LNPEP: variants seen among roughly 807,000 people sequenced by gnomAD.
LNPEP encodes leucyl-cystinyl aminopeptidase.
LNPEP carries 64 observed loss-of-function variants against 120.6 expected under a neutral mutation model. The observed-to-expected ratio is 0.53, with a 90% CI of 0.43 to 0.65. LNPEP has a LOEUF of 0.65. Among genes scored for constraint, LNPEP ranks in the 30% least tolerant of loss-of-function variants. The pLI, the probability that LNPEP is intolerant of heterozygous loss-of-function variation, is 0.00. For missense variants in LNPEP, 1,057 were observed against 1,200.0 expected (o/e 0.88, Z 1.76); for synonymous variants, 435 against 425.4 (o/e 1.02, Z -0.28).
intron 1 of LNPEP, chr5:96,962,639 A>C (rs1789630965): frequency 7.4e-6 from 1 of 135,412 alleles, no homozygotes; most frequent in Non-Finnish European, 1.6e-5. Context: ...TCTTTTCTTT[A>C]TTCTTTTTTT....
At chr5:97,020,794 T>G (rs773499477) in intron 13 of LNPEP, among the ~76,000 whole-genome samples, 4 of 152,088 alleles carry the variant, frequency 2.6e-5, no homozygotes, top group Non-Finnish European at 5.9e-5. Context: ...TGAGCAAGAC[T>G]CCATCTCAAA....
chr5:96,956,234 T>C (rs1251534444), intron 1 of LNPEP, among the ~76,000 whole-genome samples: 2 of 152,264 alleles, frequency 1.3e-5, no homozygotes. Context: ...ATGTATCTAA[T>C]AGTTCTCTCT....
At chr5:96,939,237 A>G (rs1399187263) in intron 1 of LNPEP, among the ~76,000 whole-genome samples, 1 of 146,696 alleles carries the variant, frequency 6.8e-6, no homozygotes, top group East Asian at 2.0e-4. Context: ...TTTTTGAGAC[A>G]CAGTCTCACT....
At position 97,006,142 on chromosome 5, in the gene LNPEP, G is replaced by GAAAGGAAT; in HGVS notation, c.1855_1856insAAAGGAAT (p.Val619GlufsTer4). 1 of 1,597,530 alleles carries GAAAGGAAT rather than the reference G, an allele frequency of 6.3e-7. No individual in the cohort carries two copies. Among genetic ancestry groups the GAAAGGAAT allele is most frequent in the Non-Finnish European group, 8.5e-7 (1 of 1,169,898 alleles). On this transcript the variant is annotated frameshift_variant, in exon 10 of 18. Transcript: ENST00000231368. LOFTEE classifies it high-confidence loss of function. ...GACCCTGCAGAAAGGATTTCCTTTA[G>GAAAGGAAT]TGACTGTTCAAAAGAAAGGAAAGGA...
At chr5:96,958,804 ACT>A (rs1312206111) in intron 1 of LNPEP, 2 of 99,658 alleles carry the variant, frequency 2.0e-5, no homozygotes, top group Admixed American at 2.1e-4. Context: ...TCATTATTTC[ACT>A]CTGATAGCCT....
rs1203886591 is a variant in LNPEP, at chr5:97,006,209, C to G, written c.1922C>G (p.Pro641Arg). Residue 641 changes from proline (P) to arginine (R), a missense_variant, in exon 10 of 18, where the codon CCT (proline) becomes CGT (arginine). Coordinates refer to ENST00000231368, the MANE Select transcript of LNPEP (RefSeq NM_005575.3). ...QQERFFLNMKPEIQPSDTSYL... is the reference protein window; with the variant it reads ...QQERFFLNMKREIQPSDTSYL... ...GAGAGATTCTTTTTAAATATGAAGC[C>G]TGAAATTCAGCCTTCAGATACAAGG... 8.1e-6 allele frequency: 13 copies of G among 1,603,634 alleles called. No homozygotes were observed. Among genetic ancestry groups the G allele is most frequent in the South Asian group, 1.1e-5 (1 of 88,838 alleles).
intron 7 of LNPEP, among the ~76,000 whole-genome samples, chr5:96,997,352 A>T (rs889791591): frequency 1.1e-4 from 16 of 152,100 alleles, no homozygotes; most frequent in African/African-American, 3.1e-4. Flanking sequence ...AAATTAATTG[A>T]TGTTAATTAA....
chr5:97,003,279 G>A (rs1790696427), intron 8 of LNPEP, 136 bp from the exon 9 acceptor site: 1 of 547,110 alleles, frequency 1.8e-6, no homozygotes. Context: ...AGACTAAGTA[G>A]CAGTATATTA....
At chr5:97,027,100 TC>T (rs1269143747) in intron 16 of LNPEP, among the ~76,000 whole-genome samples, 1 of 152,172 alleles carries the variant, frequency 6.6e-6, no homozygotes, top group Non-Finnish European at 1.5e-5. Context: ...ACACCTTTAA[TC>T]CCAGCACTTT....
rs58518878 is a variant in LNPEP at position 96,986,437 on chromosome 5, C to A, written c.1000-102C>A. 3,729 of 1,169,824 alleles carry A rather than the reference C, an allele frequency of 3.2e-3. 82 individuals carry two copies. The African/African-American group carries it at 0.049, about 15-fold the overall frequency. The allele number at this position is 1,169,824 out of a possible 1,614,324, so 72.5% of individuals were successfully genotyped here. A position where few individuals can be genotyped will look rare whatever the true frequency, so the allele number is the denominator to read the frequency against. The stretch of plus-strand genomic sequence containing the variant: ...CTGAGAGGTTATAATATGCTAGCAT[C>A]TTTACCATTTATTTCCTATTTGAAT... On this transcript the variant is annotated intron_variant, in intron 3 of 17. Transcript: ENST00000231368.
chr5:96,949,553 G>A (rs748737989), intron 1 of LNPEP, among the ~76,000 whole-genome samples: 1 of 152,196 alleles, frequency 6.6e-6, no homozygotes, highest in African/African-American at 2.4e-5. Context: ...TTCCAAAAAG[G>A]TTGGGAGCCA....
chr5:97,021,049 G>A (rs1791182002), intron 13 of LNPEP, among the ~76,000 whole-genome samples: 2 of 152,088 alleles, frequency 1.3e-5, no homozygotes, highest in South Asian at 2.1e-4. Context: ...TATACGTTTA[G>A]CAATGACAGC....
chr5:96,998,196 A>AT, intron 8 of LNPEP, 51 bp downstream of exon 8: 1 of 1,372,488 alleles, frequency 7.3e-7, no homozygotes, highest in Non-Finnish European at 1.0e-6. Flanking sequence ...ATTTCGTATA[A>AT]TTTCGTATGT....
chr5:96,976,350 T>C (rs1376876693), intron 1 of LNPEP, among the ~76,000 whole-genome samples: 1 of 152,172 alleles, frequency 6.6e-6, no homozygotes, highest in Non-Finnish European at 1.5e-5. Flanking sequence ...TTATTCTGAC[T>C]GGGAGTGAAA....
chr5:96,968,042 T>G (rs924927142), intron 1 of LNPEP, among the ~76,000 whole-genome samples: 3 of 152,126 alleles, frequency 2.0e-5, no homozygotes, highest in Non-Finnish European at 4.4e-5. Context: ...AGGATTGAAA[T>G]GTATCCGTTA....
intron 1 of LNPEP, among the ~76,000 whole-genome samples, chr5:96,969,036 T>C (rs1276348901): frequency 6.6e-6 from 1 of 152,066 alleles, no homozygotes; most frequent in Non-Finnish European, 1.5e-5. Context: ...TGCAGAATGG[T>C]TATATTTATG....
rs1172573453 is a variant in LNPEP, at chr5:97,013,977, G to GCCTCCAGGGACTTTA, written c.2219+147_2219+161dup. On this transcript the variant is annotated intron_variant, in intron 12 of 17. Transcript: ENST00000231368. ...AGGATTGGGAAAATATGTGTTCTTT[G>GCCTCCAGGGACTTTA]CCTCCAGGGACTTTATAAAACATTA... The GCCTCCAGGGACTTTA allele has an allele frequency of 1.7e-5, 9 of 515,814 alleles. No homozygotes were observed. The African/African-American group carries it at 1.8e-4, about 10-fold the overall frequency. The allele number at this position is 515,814 out of a possible 1,614,324, so 32.0% of individuals were successfully genotyped here.
chr5:96,951,342 T>C (rs1789318345), intron 1 of LNPEP, among the ~76,000 whole-genome samples: 1 of 152,064 alleles, frequency 6.6e-6, no homozygotes, highest in Non-Finnish European at 1.5e-5. Context: ...CACTGCAAGC[T>C]CCGCCTCCCG....
chr5:96,979,661 A>G lies in LNPEP; in HGVS notation c.543A>G (p.Leu181=), dbSNP rs774625030. 5.6e-6 allele frequency: 9 copies of G among 1,613,990 alleles called. No individual in the cohort carries two copies. The Admixed American group carries it at 1.0e-4, about 18-fold the overall frequency. The change falls in exon 2 of 18, where the codon CTA becomes CTG. Residue 181 remains leucine (L), a synonymous_variant. Coordinates refer to ENST00000231368, the MANE Select transcript of LNPEP (RefSeq NM_005575.3). ...AVVPLRYELS[L]HPNLTSMTFR... ...TGCCACTACGCTATGAACTCAGCCT[A>G]CACCCGAACCTAACCTCGATGACAT... is the stretch of plus-strand genomic sequence containing the variant.
Sources: allele counts gnomAD v4.1 joint callset (sites outside exome capture counted in the v4.1 genomes callset), GRCh38; gene constraint gnomAD v4.1.1; transcripts MANE v1.5; gene names NCBI Gene and HGNC (gene_info 2026-07-23, HGNC 2026-07-21).